Variants in ACSF2 observed in about 807,000 individuals in gnomAD.
The protein encoded by ACSF2 is acyl-CoA synthetase family member 2.
A neutral mutation model predicts 79.3 loss-of-function variants in ACSF2; 52 were observed. That is an observed-to-expected ratio of 0.66 (90% CI 0.53 to 0.83). ACSF2 has a LOEUF of 0.83. Ranked by LOEUF, ACSF2 falls within the 40% of genes least tolerant of loss-of-function variation. The probability of loss-of-function intolerance (pLI) is 0.00; values close to 1 mark genes in which losing one functional copy is unlikely to be tolerated. For missense variants in ACSF2, 661 were observed against 803.3 expected, an observed-to-expected ratio of 0.82 and a Z score of 2.14; for synonymous variants, 283 against 312.6, an observed-to-expected ratio of 0.91 and a Z score of 1.00.
At chr17:50,439,410 C>G (rs920983987) in intron 1 of ACSF2, among the ~76,000 whole-genome samples, 2 of 151,990 alleles carry the variant, frequency 1.3e-5, no homozygotes, top group African/African-American at 4.8e-5. Flanking sequence ...AAAATAGTAT[C>G]ATAGTTCTTT....
chr17:50,457,380 G>A (rs890594564), intron 1 of ACSF2, among the ~76,000 whole-genome samples: 3 of 152,240 alleles, frequency 2.0e-5, no homozygotes, highest in Non-Finnish European at 4.4e-5. Context: ...CTGGCCAGGA[G>A]GGTGTGGAGG....
chr17:50,466,480 G>A (rs1383314198), intron 10 of ACSF2, among the ~76,000 whole-genome samples: 1 of 152,176 alleles, frequency 6.6e-6, no homozygotes, highest in Non-Finnish European at 1.5e-5. Context: ...GTAGCCACAG[G>A]ACCACACCCA....
At chr17:50,470,987 C>A (rs773066242) in intron 10 of ACSF2, 41 bp from the exon 11 acceptor site, 2 of 1,451,420 alleles carry the variant, frequency 1.4e-6, no homozygotes, top group Non-Finnish European at 9.7e-7. Flanking sequence ...TCCCTCTGCA[C>A]GTGCTGAGCC....
At chr17:50,448,877 T>C (rs964940523) in intron 1 of ACSF2, among the ~76,000 whole-genome samples, 13 of 152,188 alleles carry the variant, frequency 8.5e-5, no homozygotes, top group African/African-American at 2.2e-4. Flanking sequence ...GAACCCTCCC[T>C]GCATGTTCTT....
chr17:50,462,369 A>G (rs1473912365), intron 5 of ACSF2, 51 bp from the exon 6 acceptor site: 1 of 1,479,664 alleles, frequency 6.8e-7, no homozygotes. Flanking sequence ...CTTCCTACCC[A>G]CCCTGCCCCC....
rs2143818246 is a variant in ACSF2 at position 50,474,056 on chromosome 17, A to G, written c.1728+52A>G. The G allele has an allele frequency of 7.1e-6, 11 of 1,555,420 alleles. No homozygotes were observed. Among genetic ancestry groups the G allele is most frequent in the Non-Finnish European group, 9.6e-6 (11 of 1,147,920 alleles). ...ATGCTGCTCTGTTCTTTGCTCACCCACTCCTCTGCCAACCAGCCCAGGGTG... is the reference window on the plus strand; with the variant it reads ...ATGCTGCTCTGTTCTTTGCTCACCCGCTCCTCTGCCAACCAGCCCAGGGTG... On this transcript the variant is annotated intron_variant, in intron 14 of 15. Coordinates refer to ENST00000300441, the MANE Select transcript of ACSF2 (RefSeq NM_025149.6). This position sits in a 1 kb window ranked among gnomAD's most constrained non-coding sequence, Gnocchi z 4.2.
At chr17:50,443,555 T>A (rs1030318220) in intron 1 of ACSF2, among the ~76,000 whole-genome samples, 8 of 152,236 alleles carry the variant, frequency 5.3e-5, no homozygotes, top group Non-Finnish European at 7.3e-5. Context: ...TTAAGCAATT[T>A]GTCAGAAATG....
intron 1 of ACSF2, among the ~76,000 whole-genome samples, chr17:50,441,328 A>G (rs1453626118): frequency 1.3e-5 from 2 of 152,052 alleles, no homozygotes; most frequent in Non-Finnish European, 2.9e-5. Flanking sequence ...GCACGACCAC[A>G]CCCAGCTAAA....
At chr17:50,448,329 T>C (rs1453824933) in intron 1 of ACSF2, among the ~76,000 whole-genome samples, 1 of 152,220 alleles carries the variant, frequency 6.6e-6, no homozygotes, top group Admixed American at 6.5e-5. Context: ...ATATATGCCA[T>C]CCATCATAAG....
Position 50,471,256 on chromosome 17 carries a change from C to T in ACSF2, c.1323+121C>T. On this transcript the variant is annotated intron_variant, in intron 11 of 15. Transcript: ENST00000300441. This position sits in a 1 kb window ranked among gnomAD's most constrained non-coding sequence, Gnocchi z 4.1. ...ATGGCTCACTCAGGATGCCTAGAGC[C>T]CCCCAGCAGCAGGGGTGTGCTAGGC... 1 of 767,454 alleles carries T rather than the reference C, an allele frequency of 1.3e-6. No homozygotes were observed. The highest frequency in any genetic ancestry group is 2.2e-6 in the Non-Finnish European group (1 of 450,230). 47.5% of individuals were successfully genotyped at this position (767,454 alleles called of 1,614,324 possible).
At chr17:50,436,254 C>A (rs887668973) in intron 1 of ACSF2, among the ~76,000 whole-genome samples, 1 of 151,978 alleles carries the variant, frequency 6.6e-6, no homozygotes, top group African/African-American at 2.4e-5. Flanking sequence ...CTCAGCCTCC[C>A]GAGTAGCTGG....
Position 50,426,904 on chromosome 17 carries a change from G to A in ACSF2, c.128+515G>A, listed in dbSNP as rs189245546. ...CTGGGCCTATTTCCTTCTGTCCTCAGTGCAAGGGGTGGGATGGAAGCTGGC... is the reference window on the plus strand; with the variant it reads ...CTGGGCCTATTTCCTTCTGTCCTCAATGCAAGGGGTGGGATGGAAGCTGGC... On this transcript the variant is annotated intron_variant, in intron 1 of 15. Transcript: ENST00000300441. 1.0e-4 allele frequency: 154 copies of A among 1,535,756 alleles called. 1 individual carries two copies. In the Admixed American group the frequency reaches 1.3e-3, roughly 13 times the overall value.
chr17:50,468,423 C>T (rs746898951), intron 10 of ACSF2: 1 of 1,613,886 alleles, frequency 6.2e-7, no homozygotes, highest in Non-Finnish European at 8.5e-7. Flanking sequence ...TTGTTGTGGT[C>T]CAGGTAGAGG....
chr17:50,454,861 C>G (rs1316864460), intron 1 of ACSF2, among the ~76,000 whole-genome samples: 3 of 151,856 alleles, frequency 2.0e-5, no homozygotes, highest in African/African-American at 7.3e-5. Flanking sequence ...TTTTTTTTCC[C>G]CCATAAATCA....
At chr17:50,465,213 AG>A in intron 10 of ACSF2, 3 of 1,550,592 alleles carry the variant, frequency 1.9e-6, no homozygotes, top group Non-Finnish European at 2.6e-6. Flanking sequence ...CTCCAGGGCC[AG>A]GGGGTATCCT....
intron 1 of ACSF2, among the ~76,000 whole-genome samples, chr17:50,439,159 C>T (rs891029651): frequency 6.6e-6 from 1 of 151,058 alleles, no homozygotes; most frequent in African/African-American, 2.4e-5. Flanking sequence ...CAGCCTCAAC[C>T]TCCTGGGCTC....
In ACSF2 at chr17:50,471,128, A is replaced by G. The variant is rs766753294; in HGVS notation, c.1316A>G (p.His439Arg). 1 of 1,613,862 alleles carries G rather than the reference A, an allele frequency of 6.2e-7. No individual in the cohort carries two copies. Among genetic ancestry groups the G allele is most frequent in the Non-Finnish European group, 8.5e-7 (1 of 1,179,840 alleles). ...GAAAGCGTGGGCAGAATTATGCCTC[A>G]CACGGAGGTGAGCCCCTGACCAAGA... ...KAESVGRIMPHTEARIMNMEA... is the reference protein window; with the variant it reads ...KAESVGRIMPRTEARIMNMEA... The change falls in exon 11 of 16, where the codon CAC (histidine) becomes CGC (arginine). Residue 439 changes from histidine to arginine, a missense_variant. By Grantham distance (29) the His-to-Arg change is conservative. Coordinates refer to ENST00000300441, the MANE Select transcript of ACSF2 (RefSeq NM_025149.6). This position sits in a 1 kb window ranked among gnomAD's most constrained non-coding sequence, Gnocchi z 4.1.
In ACSF2 at chr17:50,462,273, T is replaced by C. The variant is rs1254401717; in HGVS notation, c.597T>C (p.Asn199=). Residue 199 remains asparagine, a synonymous_variant, in exon 5 of 16, where the codon AAT becomes AAC. Coordinates refer to ENST00000300441, the MANE Select transcript of ACSF2 (RefSeq NM_025149.6). ...AGCAGATCTGTCCAGAAGTGGAGAA[T>C]GCCCAGCCAGGGGCCTTGAAGAGTC... ...VLKQICPEVE[N]AQPGALKSQR... is the part of the protein sequence containing the mutation. The C allele has an allele frequency of 1.9e-6, 3 of 1,613,974 alleles. No homozygotes were observed. Among genetic ancestry groups the C allele is most frequent in the Non-Finnish European group, 2.5e-6 (3 of 1,180,012 alleles).
chr17:50,472,331 G>C, intron 11 of ACSF2, 97 bp from the exon 12 acceptor site: 1 of 1,443,210 alleles, frequency 6.9e-7, no homozygotes, highest in Non-Finnish European at 9.2e-7. Context: ...AGTTGGGTTG[G>C]GGGGTTGGGG....
Sources: gnomAD v4.1 joint callset for allele counts (sites outside exome capture counted in the v4.1 genomes callset) on GRCh38, gnomAD v4.1.1 for gene constraint, Gnocchi (gnomAD v3.1) non-coding constraint, MANE v1.5 for transcripts, NCBI Gene and HGNC (gene_info 2026-07-23, HGNC 2026-07-21) for gene names.